The following RPS6KC1 variants were observed in gnomAD, a reference collection of about 807,000 sequenced individuals.
RPS6KC1 encodes ribosomal protein S6 kinase C1, also known as inactive ribosomal protein S6 kinase delta-1.
In RPS6KC1, 54 loss-of-function variants were observed where a neutral mutation model predicts 103.8. The observed-to-expected ratio is 0.52, with a 90% CI of 0.42 to 0.65. The LOEUF (loss-of-function observed/expected upper bound fraction) is 0.65. RPS6KC1 is among the 30% of genes least tolerant of loss of function. RPS6KC1 has a pLI of 0.00. For synonymous variants in RPS6KC1, 439 were observed against 438.7 expected, an observed-to-expected ratio of 1.00 and a Z score of -0.01; for missense variants, 1,151 against 1,253.8, an observed-to-expected ratio of 0.92 and a Z score of 1.24.
the RPS6KC1 span, among the ~76,000 whole-genome samples, chr1:213,327,865 G>A: frequency 9.2e-5 from 14 of 151,916 alleles, no homozygotes; most frequent in Non-Finnish European, 1.3e-4. Flanking sequence ...TTCCCAGATC[G>A]TTCCAAGTCT....
At chr1:213,682,219 C>G in the RPS6KC1 span, among the ~76,000 whole-genome samples, 3 of 152,164 alleles carry the variant, frequency 2.0e-5, no homozygotes, top group African/African-American at 7.2e-5. Flanking sequence ...CTCTTTCTGC[C>G]TCTGTGCCTG....
the RPS6KC1 span, among the ~76,000 whole-genome samples, chr1:213,283,339 G>C: frequency 2.7e-4 from 41 of 152,304 alleles, no homozygotes; most frequent in African/African-American, 9.9e-4. Context: ...ACAAAAGCAT[G>C]CAGAGCAACT....
At chr1:213,690,144 G>A in the RPS6KC1 span, among the ~76,000 whole-genome samples, 2 of 152,182 alleles carry the variant, frequency 1.3e-5, no homozygotes, top group African/African-American at 4.8e-5. Flanking sequence ...GCTTTGAGAG[G>A]CTTTGGATGG....
At chr1:213,419,152 C>A in the RPS6KC1 span, among the ~76,000 whole-genome samples, 1 of 152,234 alleles carries the variant, frequency 6.6e-6, no homozygotes, top group African/African-American at 2.4e-5. Flanking sequence ...AAGTAAACCT[C>A]TCAATGTGTC....
At chr1:213,726,867 T>A in the RPS6KC1 span, among the ~76,000 whole-genome samples, 2 of 152,250 alleles carry the variant, frequency 1.3e-5, no homozygotes, top group African/African-American at 4.8e-5. Context: ...AAGGTTAGAA[T>A]AGCTATGGGA....
chr1:213,404,477 C>T, the RPS6KC1 span, among the ~76,000 whole-genome samples: 2 of 152,136 alleles, frequency 1.3e-5, no homozygotes, highest in East Asian at 3.9e-4. Flanking sequence ...TCTTACATTC[C>T]TCCTCCCCTC....
In RPS6KC1 at chr1:213,242,187, G is replaced by A. The variant is rs558172252; in HGVS notation, c.2711G>A (p.Gly904Asp). The A allele has an allele frequency of 1.2e-5, 19 of 1,613,842 alleles. No individual in the cohort carries two copies. Among genetic ancestry groups the A allele is most frequent in the African/African-American group, 9.3e-5 (7 of 74,916 alleles). Residue 904 changes from glycine to aspartate, a missense_variant, in exon 11 of 15, where the codon GGC (glycine) becomes GAC (aspartate). This residue lies in a region of RPS6KC1 where 189 missense variants were observed against 228.8 expected (regional missense o/e 0.83). Transcript: ENST00000366960. The stretch of plus-strand genomic sequence containing the variant: ...GCCTCCAGGTTTTACATCCCAGAGG[G>A]CTGCATTCAAAGATGGGCAGCTGAA... ...ALASRFYIPEGCIQRWAAEMV... is the reference protein window; with the variant it reads ...ALASRFYIPEDCIQRWAAEMV...
At chr1:213,135,460 A>G (rs1411717759) in intron 6 of RPS6KC1, among the ~76,000 whole-genome samples, 1 of 152,144 alleles carries the variant, frequency 6.6e-6, no homozygotes, top group East Asian at 1.9e-4. Flanking sequence ...CAAATACAGA[A>G]TATTTCTTAT....
intron 6 of RPS6KC1, among the ~76,000 whole-genome samples, chr1:213,153,729 G>T (rs1281120030): frequency 1.3e-5 from 2 of 152,160 alleles, no homozygotes; most frequent in Non-Finnish European, 2.9e-5. Context: ...TCTGATTGAA[G>T]TACTCCCTTT....
the RPS6KC1 span, among the ~76,000 whole-genome samples, chr1:213,790,226 A>G: frequency 2.6e-5 from 4 of 152,316 alleles, no homozygotes; most frequent in South Asian, 6.2e-4. Flanking sequence ...CAAGTTGCTT[A>G]TACCTGATTC....
At position 213,074,146 on chromosome 1, in the gene RPS6KC1, A is replaced by G. The variant is rs183866842; in HGVS notation, c.141+3105A>G. 2.0e-4 allele frequency among the ~76,000 whole-genome samples: 31 copies of G among 152,334 alleles called. 1 individual carries two copies. The highest frequency in any genetic ancestry group is 1.0e-3 in the Admixed American group (16 of 15,310). On this transcript the variant is annotated intron_variant, in intron 2 of 14. Coordinates refer to ENST00000366960, the MANE Select transcript of RPS6KC1 (RefSeq NM_012424.6). ...GCGTGAAAAGGACAAAGTTAATTCA[A>G]TTGGTGGTTCTGTAAAATACAGGAA...
intron 6 of RPS6KC1, among the ~76,000 whole-genome samples, chr1:213,157,368 G>A (rs1225442841): frequency 2.6e-5 from 4 of 151,912 alleles, no homozygotes; most frequent in South Asian, 4.2e-4. Context: ...CACCATGTCC[G>A]GCTAATTTTT....
the RPS6KC1 span, among the ~76,000 whole-genome samples, chr1:213,568,837 A>G: frequency 1.3e-5 from 2 of 152,186 alleles, no homozygotes; most frequent in African/African-American, 4.8e-5. Flanking sequence ...TCTATATTCA[A>G]GTGCTGATTT....
the RPS6KC1 span, among the ~76,000 whole-genome samples, chr1:213,416,099 G>A: frequency 6.6e-6 from 1 of 152,208 alleles, no homozygotes; most frequent in African/African-American, 2.4e-5. Flanking sequence ...GTTGAGGTGG[G>A]TGTGAAAGTG....
chr1:213,405,315 T>C, the RPS6KC1 span, among the ~76,000 whole-genome samples: 1 of 152,246 alleles, frequency 6.6e-6, no homozygotes, highest in Non-Finnish European at 1.5e-5. Context: ...GCTGAACCTG[T>C]AATCAGCAAC....
chr1:213,736,167 C>T, the RPS6KC1 span, among the ~76,000 whole-genome samples: 1 of 152,184 alleles, frequency 6.6e-6, no homozygotes, highest in Non-Finnish European at 1.5e-5. Flanking sequence ...AATTACCACA[C>T]ACTTAATACC....
chr1:213,243,830 T>C (rs2094406582), intron 12 of RPS6KC1, among the ~76,000 whole-genome samples: 1 of 152,200 alleles, frequency 6.6e-6, no homozygotes, highest in Admixed American at 6.5e-5. Context: ...AGCTAACTAG[T>C]GTATTGATGC....
At chr1:213,710,441 C>T in the RPS6KC1 span, among the ~76,000 whole-genome samples, 2 of 152,156 alleles carry the variant, frequency 1.3e-5, no homozygotes, top group Admixed American at 6.5e-5. Context: ...CTAAATACAG[C>T]ACACTGACAG....
the RPS6KC1 span, chr1:213,819,956 A>C: frequency 6.6e-6 from 1 of 152,198 alleles, no homozygotes; most frequent in Non-Finnish European, 1.5e-5. Context: ...GGTGTTGGCA[A>C]CTGTTTGGAC....
Sources: allele counts gnomAD v4.1 joint callset (sites outside exome capture counted in the v4.1 genomes callset), GRCh38; gene constraint gnomAD v4.1.1; regional missense constraint gnomAD v4.1.1; transcripts MANE v1.5; gene names NCBI Gene and HGNC (gene_info 2026-07-23, HGNC 2026-07-21).